The following ZNF804B variants were observed in gnomAD, a reference collection of about 807,000 sequenced individuals.
ZNF804B encodes zinc finger 804B.
A neutral mutation model predicts 101.4 loss-of-function variants in ZNF804B; 80 were observed. The observed-to-expected ratio is 0.79, with a 90% CI of 0.66 to 0.95. The LOEUF (loss-of-function observed/expected upper bound fraction) is 0.95. Among genes scored for constraint, ZNF804B ranks in the 40% least tolerant of loss-of-function variants. ZNF804B has a pLI of 0.00. For missense variants in ZNF804B, 1,673 were observed against 1,561.9 expected, an observed-to-expected ratio of 1.07 and a Z score of -1.20; for synonymous variants, 622 against 558.8, an observed-to-expected ratio of 1.11 and a Z score of -1.59.
In ZNF804B at chr7:89,327,480, A is replaced by G. The variant is rs372071893; in HGVS notation, c.380+6A>G. Reference sequence around the variant, plus strand: ...TTAAGGCAGCAATCTGAATGGTAAGAATTAAAGGTGTCTGGGATGCTTCAA... The same window carrying G: ...TTAAGGCAGCAATCTGAATGGTAAGGATTAAAGGTGTCTGGGATGCTTCAA... On this transcript the variant is annotated splice_donor_region_variant and intron_variant, in intron 3 of 3. Coordinates refer to ENST00000333190, the MANE Select transcript of ZNF804B (RefSeq NM_181646.5). 3.1e-6 allele frequency: 5 copies of G among 1,607,652 alleles called. No homozygotes were observed. The African/African-American group carries it at 5.4e-5, about 17-fold the overall frequency.
chr7:88,905,706 G>C (rs1300331123), intron 1 of ZNF804B, among the ~76,000 whole-genome samples: 3 of 151,944 alleles, frequency 2.0e-5, no homozygotes, highest in African/African-American at 7.2e-5. Flanking sequence ...TGTTCATCAG[G>C]GATGTTGGCC....
intron 1 of ZNF804B, among the ~76,000 whole-genome samples, chr7:89,033,435 A>G (rs1003608760): frequency 3.3e-5 from 5 of 152,164 alleles, no homozygotes; most frequent in African/African-American, 1.2e-4. Context: ...GGGTGCAGTC[A>G]TCATTTGACC....
intron 1 of ZNF804B, among the ~76,000 whole-genome samples, chr7:88,967,339 C>T (rs533067286): frequency 4.6e-5 from 7 of 151,542 alleles, no homozygotes; most frequent in South Asian, 2.1e-4. Flanking sequence ...GTGCTACACA[C>T]TTGTAAACAA....
intron 2 of ZNF804B, among the ~76,000 whole-genome samples, chr7:89,256,100 A>G (rs1180266790): frequency 1.3e-5 from 2 of 152,216 alleles, no homozygotes; most frequent in Admixed American, 1.3e-4. Context: ...TCTTAAAATA[A>G]TTTAGCATGG....
intron 1 of ZNF804B, among the ~76,000 whole-genome samples, chr7:88,885,931 T>G (rs1792118927): frequency 6.6e-6 from 1 of 152,136 alleles, no homozygotes; most frequent in Non-Finnish European, 1.5e-5. Context: ...AAGTCAACCT[T>G]TTGCTCTGAA....
chr7:88,902,057 T>C (rs1002757592), intron 1 of ZNF804B, among the ~76,000 whole-genome samples: 1 of 151,956 alleles, frequency 6.6e-6, no homozygotes, highest in Non-Finnish European at 1.5e-5. Context: ...TAGTCATAAT[T>C]GCATAGATAT....
chr7:89,250,646 A>G (rs931676046), intron 2 of ZNF804B, among the ~76,000 whole-genome samples: 5 of 152,140 alleles, frequency 3.3e-5, no homozygotes, highest in African/African-American at 1.2e-4. Context: ...AGAAAACAAA[A>G]CTACAGACCA....
At chr7:89,123,193 A>G (rs1482980629) in intron 1 of ZNF804B, among the ~76,000 whole-genome samples, 3 of 150,504 alleles carry the variant, frequency 2.0e-5, no homozygotes, top group East Asian at 1.9e-4. Flanking sequence ...CACTAAGCAA[A>G]TATTTGTAGA....
At chr7:89,040,098 A>G (rs1454511599) in intron 1 of ZNF804B, among the ~76,000 whole-genome samples, 2 of 151,896 alleles carry the variant, frequency 1.3e-5, no homozygotes, top group East Asian at 1.9e-4. Flanking sequence ...TGCTCATTCT[A>G]GGAGTTCTAT....
intron 1 of ZNF804B, among the ~76,000 whole-genome samples, chr7:88,852,184 A>G (rs976085882): frequency 2.0e-5 from 3 of 152,090 alleles, no homozygotes; most frequent in Non-Finnish European, 4.4e-5. Flanking sequence ...TTGAAGCCTG[A>G]CACCCCAAGA....
intron 2 of ZNF804B, among the ~76,000 whole-genome samples, chr7:89,238,753 A>G (rs1167384402): frequency 2.6e-5 from 4 of 152,204 alleles, no homozygotes; most frequent in Non-Finnish European, 2.9e-5. Flanking sequence ...GAAGGCCAGA[A>G]GCACACATTA....
intron 2 of ZNF804B, among the ~76,000 whole-genome samples, chr7:89,221,627 A>G (rs1428720853): frequency 6.6e-6 from 1 of 151,668 alleles, no homozygotes. Flanking sequence ...TTGTTTTTTT[A>G]TCATTTTCTT....
intron 1 of ZNF804B, among the ~76,000 whole-genome samples, chr7:88,847,684 T>C (rs1403952219): frequency 6.6e-6 from 1 of 152,070 alleles, no homozygotes; most frequent in East Asian, 1.9e-4. Flanking sequence ...TAAATTATGA[T>C]AAAGTGTGAT....
chr7:89,045,329 A>G (rs1410908735), intron 1 of ZNF804B, among the ~76,000 whole-genome samples: 2 of 152,206 alleles, frequency 1.3e-5, no homozygotes, highest in Non-Finnish European at 2.9e-5. Context: ...GGCAGTGTGG[A>G]GGGGAAATGT....
intron 1 of ZNF804B, among the ~76,000 whole-genome samples, chr7:89,172,383 T>C (rs12704445): frequency 0.41 from 61,907 of 151,920 alleles, 13,186 homozygotes; most frequent in Non-Finnish European, 0.47. Context: ...CAAGATATCC[T>C]AGTTAAGCAA....
At chr7:89,296,057 C>T (rs370252766) in intron 2 of ZNF804B, among the ~76,000 whole-genome samples, 26 of 152,182 alleles carry the variant, frequency 1.7e-4, no homozygotes, top group African/African-American at 5.3e-4. Context: ...ATGTGCACTA[C>T]TTGGGTGATA....
rs148645527 is a variant in ZNF804B at position 89,165,208 on chromosome 7, A to T, written c.109-52947A>T. Among the ~76,000 whole-genome samples, 165 of 152,226 alleles carry T rather than the reference A, an allele frequency of 1.1e-3. No individual in the cohort carries two copies. In the East Asian group the frequency reaches 0.026, roughly 24 times the overall value. On this transcript the variant is annotated intron_variant, in intron 1 of 3. Transcript: ENST00000333190. ...TGTAGTGCTTTTCTGCCATTCTTAC[A>T]GTCTGAAATTTTAAGCATAATTGGG...
chr7:89,103,108 A>C (rs1330467202), intron 1 of ZNF804B, among the ~76,000 whole-genome samples: 1 of 113,212 alleles, frequency 8.8e-6, no homozygotes, highest in Non-Finnish European at 1.7e-5. Context: ...GTTTGGTTAT[A>C]ATAAACTTGT....
intron 1 of ZNF804B, among the ~76,000 whole-genome samples, chr7:88,891,010 C>T (rs1696205930): frequency 6.6e-6 from 1 of 151,730 alleles, no homozygotes; most frequent in Admixed American, 6.6e-5. Flanking sequence ...TTGTTTTATC[C>T]TCCTCAATAG....
Sources: gnomAD v4.1 joint callset for allele counts (sites outside exome capture counted in the v4.1 genomes callset) on GRCh38, gnomAD v4.1.1 for gene constraint, MANE v1.5 for transcripts, NCBI Gene and HGNC (gene_info 2026-07-23, HGNC 2026-07-21) for gene names.